Variants in SYT1 observed in about 807,000 individuals in gnomAD.
SYT1 encodes synaptotagmin 1.
A neutral mutation model predicts 44.8 loss-of-function variants in SYT1; 8 were observed. That is an observed-to-expected ratio of 0.18 (90% CI 0.10 to 0.32). The LOEUF is 0.32. Among genes scored for constraint, SYT1 ranks in the 10% least tolerant of loss-of-function variants. The probability of loss-of-function intolerance (pLI) is 1.00; values close to 1 mark genes in which losing one functional copy is unlikely to be tolerated. For synonymous variants in SYT1, 154 were observed against 188.8 expected, an observed-to-expected ratio of 0.82 and a Z score of 1.51; for missense variants, 286 against 509.3, an observed-to-expected ratio of 0.56 and a Z score of 4.22.
At position 79,223,272 on chromosome 12, in the gene SYT1, T is replaced by C. The variant is rs573913274; in HGVS notation, c.166+5587T>C. Among the ~76,000 whole-genome samples the C allele has an allele frequency of 2.0e-5, 3 of 152,340 alleles. No homozygotes were observed. In the East Asian group the frequency reaches 5.8e-4, roughly 29 times the overall value. ...AGACAGGCTTTGTCTGTGAAAGCCC[T>C]GCAGTAGGGTGTGGTGCTAGAGTGC... On this transcript the variant is annotated intron_variant, in intron 4 of 10. Transcript: ENST00000261205.
chr12:78,963,065 C>T (rs1369039233), intron 1 of SYT1, among the ~76,000 whole-genome samples: 2 of 151,970 alleles, frequency 1.3e-5, no homozygotes, highest in African/African-American at 4.8e-5. Flanking sequence ...AGTATTTGAC[C>T]TTCTGTGACT....
At chr12:79,027,180 T>C (rs936493182) in intron 2 of SYT1, among the ~76,000 whole-genome samples, 6 of 151,556 alleles carry the variant, frequency 4.0e-5, no homozygotes, top group Non-Finnish European at 7.4e-5. Flanking sequence ...CTTACCTGGA[T>C]CCTCAGCTGA....
At chr12:78,870,581 A>G (rs1201149320) in intron 1 of SYT1, among the ~76,000 whole-genome samples, 2 of 152,112 alleles carry the variant, frequency 1.3e-5, no homozygotes, top group African/African-American at 4.8e-5. Flanking sequence ...AATTGCTTAC[A>G]TGAGAAGTAT....
chr12:79,002,266 G>GCTCC, intron 2 of SYT1, among the ~76,000 whole-genome samples: 1 of 152,070 alleles, frequency 6.6e-6, no homozygotes, highest in Non-Finnish European at 1.5e-5. Flanking sequence ...AATGCAACAT[G>GCTCC]CTCCCTCCCC....
intron 3 of SYT1, among the ~76,000 whole-genome samples, chr12:79,126,962 G>T (rs1423810669): frequency 7.9e-5 from 12 of 152,208 alleles, no homozygotes; most frequent in African/African-American, 2.9e-4. Context: ...ACATTGGTGA[G>T]AGACTCCTAT....
chr12:78,974,119 TG>T (rs1456308222), intron 1 of SYT1, among the ~76,000 whole-genome samples: 2 of 150,518 alleles, frequency 1.3e-5, no homozygotes, highest in Non-Finnish European at 3.0e-5. Context: ...ATAGGCTAGA[TG>T]GTATAGCCTA....
chr12:79,028,906 G>A (rs898821656), intron 2 of SYT1, among the ~76,000 whole-genome samples: 3 of 151,194 alleles, frequency 2.0e-5, no homozygotes, highest in Non-Finnish European at 4.4e-5. Context: ...CGTATGTAGA[G>A]GTTCCTGCCA....
intron 1 of SYT1, among the ~76,000 whole-genome samples, chr12:78,951,870 G>T (rs1878986148): frequency 6.6e-6 from 1 of 152,088 alleles, no homozygotes; most frequent in Non-Finnish European, 1.5e-5. Context: ...GTGTCATTCA[G>T]GGCATCTCTG....
At chr12:79,411,592 T>C (rs946759403) in intron 9 of SYT1, among the ~76,000 whole-genome samples, 3 of 152,178 alleles carry the variant, frequency 2.0e-5, no homozygotes, top group African/African-American at 7.2e-5. Flanking sequence ...CTTTTGTGTT[T>C]TACTAACATA....
intron 3 of SYT1, among the ~76,000 whole-genome samples, chr12:79,101,155 T>G (rs970819389): frequency 3.9e-5 from 6 of 152,322 alleles, no homozygotes; most frequent in African/African-American, 1.4e-4. Flanking sequence ...ATTTGCACAC[T>G]GGCGTTCATA....
intron 3 of SYT1, among the ~76,000 whole-genome samples, chr12:79,149,257 T>C (rs1844571838): frequency 6.6e-6 from 1 of 152,088 alleles, no homozygotes; most frequent in African/African-American, 2.4e-5. Context: ...AGAATGTGTT[T>C]GTTTTGTATC....
intron 8 of SYT1, among the ~76,000 whole-genome samples, chr12:79,344,469 T>C (rs1882517540): frequency 6.6e-6 from 1 of 152,158 alleles, no homozygotes; most frequent in Non-Finnish European, 1.5e-5. Flanking sequence ...GTTTTTGTTA[T>C]TGAGACAGGG....
At chr12:79,361,644 A>G (rs867777100) in intron 9 of SYT1, among the ~76,000 whole-genome samples, 5 of 152,330 alleles carry the variant, frequency 3.3e-5, no homozygotes, top group South Asian at 4.1e-4. Context: ...ATAGTTATAG[A>G]TGATTTTTAT....
At chr12:79,223,764 G>A (rs1375833885) in intron 4 of SYT1, among the ~76,000 whole-genome samples, 2 of 152,170 alleles carry the variant, frequency 1.3e-5, no homozygotes, top group Non-Finnish European at 2.9e-5. Flanking sequence ...GGTCCCTCCT[G>A]GCACCAGGGC....
At chr12:79,107,822 A>G (rs967399442) in intron 3 of SYT1, among the ~76,000 whole-genome samples, 1 of 152,054 alleles carries the variant, frequency 6.6e-6, no homozygotes, top group South Asian at 2.1e-4. Context: ...GAAAAAAGCT[A>G]AAACATACCC....
At chr12:78,963,810 A>G (rs1879636359) in intron 1 of SYT1, among the ~76,000 whole-genome samples, 1 of 152,196 alleles carries the variant, frequency 6.6e-6, no homozygotes, top group South Asian at 2.1e-4. Context: ...ATTCAGTAAT[A>G]TCACTCCTGG....
chr12:79,418,658 G>T (rs759250276), intron 9 of SYT1, among the ~76,000 whole-genome samples: 6 of 152,104 alleles, frequency 3.9e-5, no homozygotes, highest in Non-Finnish European at 5.9e-5. Flanking sequence ...GTTTGGGCAA[G>T]AAGTCTTAAA....
chr12:79,373,026 A>G (rs2136053199), intron 9 of SYT1, among the ~76,000 whole-genome samples: 1 of 152,350 alleles, frequency 6.6e-6, no homozygotes, highest in African/African-American at 2.4e-5. Context: ...GCTGTGAAAG[A>G]GAGAAATGAC....
intron 3 of SYT1, among the ~76,000 whole-genome samples, chr12:79,147,950 G>A (rs1325993775): frequency 6.6e-6 from 1 of 152,032 alleles, no homozygotes; most frequent in East Asian, 1.9e-4. Flanking sequence ...CTGGAGAACA[G>A]AATAATATAA....
Sources: gnomAD v4.1 joint callset for allele counts (sites outside exome capture counted in the v4.1 genomes callset) on GRCh38, gnomAD v4.1.1 for gene constraint, MANE v1.5 for transcripts, NCBI Gene and HGNC (gene_info 2026-07-23, HGNC 2026-07-21) for gene names.